Variants in TMEM132B observed in about 807,000 individuals in gnomAD.
TMEM132B encodes transmembrane protein 132B.
TMEM132B carries 18 observed loss-of-function variants against 90.8 expected under a neutral mutation model. The observed-to-expected ratio is 0.20, with a 90% CI of 0.14 to 0.29. The LOEUF (loss-of-function observed/expected upper bound fraction) is 0.29. Ranked by LOEUF, TMEM132B falls within the 10% of genes least tolerant of loss-of-function variation. TMEM132B has a pLI of 1.00. For synonymous variants in TMEM132B, 504 were observed against 523.3 expected (o/e 0.96, Z 0.50); for missense variants, 1,096 against 1,326.8 (o/e 0.83, Z 2.70).
Position 125,460,722 on chromosome 12 carries a change from G to A in TMEM132B, c.1106+45045G>A, listed in dbSNP as rs146201221. ...GACCACTGGGGCCAGTGTCATCAGC[G>A]TGTGTATGTCATTGGCAGCCACTTC... is the stretch of plus-strand genomic sequence containing the variant. On this transcript the variant is annotated intron_variant, in intron 3 of 8. Transcript: ENST00000682704. The surrounding 1 kb of genome is among the most constrained non-coding windows in gnomAD (Gnocchi z 4.4). 1.1e-3 allele frequency among the ~76,000 whole-genome samples: 165 copies of A among 152,266 alleles called. No individual in the cohort carries two copies. The highest frequency in any genetic ancestry group is 3.7e-3 in the African/African-American group (154 of 41,558).
chr12:125,330,375 T>C (rs190369521), intron 1 of TMEM132B, among the ~76,000 whole-genome samples: 17 of 151,750 alleles, frequency 1.1e-4, no homozygotes, highest in African/African-American at 4.1e-4. Flanking sequence ...TGATTTTATT[T>C]ATCTATAGTT....
intron 3 of TMEM132B, among the ~76,000 whole-genome samples, chr12:125,432,366 A>AAAATAT (rs1199430670): frequency 4.2e-4 from 5 of 11,914 alleles, no homozygotes; most frequent in African/African-American, 8.0e-4. Context: ...GAATTCCTTG[A>AAAATAT]ATATATATAT....
chr12:125,416,263 C>T (rs1343934326), intron 3 of TMEM132B, among the ~76,000 whole-genome samples: 1 of 152,028 alleles, frequency 6.6e-6, no homozygotes, highest in East Asian at 1.9e-4. Flanking sequence ...TTGCAGCCGC[C>T]TTCCCTACAC....
At position 125,246,468 on chromosome 12, in the gene TMEM132B, GA is replaced by G. The variant is rs1363855748; in HGVS notation, c.67+59605del. The stretch of plus-strand genomic sequence containing the variant: ...TGTCCCCACTCAGATGCCTTGTTTC[GA>G]AACAGCGTGCCGGTGTTATGATTGT... On this transcript the variant is annotated intron_variant, in intron 1 of 8. Transcript: ENST00000682704. This position sits in a 1 kb window ranked among gnomAD's most constrained non-coding sequence, Gnocchi z 4.2. Among the ~76,000 whole-genome samples, 5 of 152,254 alleles carry G rather than the reference GA, an allele frequency of 3.3e-5. No individual in the cohort carries two copies. The East Asian group carries it at 9.6e-4, about 29-fold the overall frequency.
At position 125,654,492 on chromosome 12, in the gene TMEM132B, A is replaced by G. The variant is rs1227434309; in HGVS notation, c.3034A>G (p.Lys1012Glu). 36 of 1,613,950 alleles carry G rather than the reference A, an allele frequency of 2.2e-5. No homozygotes were observed. Among genetic ancestry groups the G allele is most frequent in the Non-Finnish European group, 3.0e-5 (35 of 1,180,032 alleles). The change falls in exon 9 of 9, where the codon AAA becomes GAA. Residue 1012 changes from lysine to glutamate, a missense_variant. Physicochemically the swap from Lys to Glu is moderately conservative, Grantham distance 56 (BLOSUM62 1). Transcript: ENST00000682704. This position sits in a 1 kb window ranked among gnomAD's most constrained non-coding sequence, Gnocchi z 5.8. ...CAGACCCTCTGACTATGTCTATGAGAAAGAAATTAAAAATGAACCTATGAA... is the reference window on the plus strand; with the variant it reads ...CAGACCCTCTGACTATGTCTATGAGGAAGAAATTAAAAATGAACCTATGAA... Reference protein sequence around the residue: ...LLRPSDYVYEKEIKNEPMNSS... With the variant: ...LLRPSDYVYEEEIKNEPMNSS...
rs1877472570 is a variant in TMEM132B at position 125,349,340 on chromosome 12, G to A, written c.68-112G>A. The A allele has an allele frequency of 8.4e-7, 1 of 1,186,160 alleles. No individual in the cohort carries two copies. The highest frequency in any genetic ancestry group is 1.5e-5 in the African/African-American group (1 of 65,394). The allele number at this position is 1,186,160 out of a possible 1,614,324, so 73.5% of individuals were successfully genotyped here. On this transcript the variant is annotated intron_variant, in intron 1 of 8. Coordinates refer to ENST00000682704, the MANE Select transcript of TMEM132B (RefSeq NM_001366854.1). The surrounding 1 kb of genome is among the most constrained non-coding windows in gnomAD (Gnocchi z 4.1). ...TTTCACTGTGATGAGACCTGGGGGA[G>A]AAACAGTGGCCAGTGGGCGGTTTGT...
intron 2 of TMEM132B, among the ~76,000 whole-genome samples, chr12:125,373,739 T>C (rs540694188): frequency 6.6e-6 from 1 of 152,330 alleles, no homozygotes; most frequent in African/African-American, 2.4e-5. Flanking sequence ...CTTTCTAACC[T>C]GTGTTTTCTG....
chr12:125,554,417 TC>T (rs1216850592), intron 4 of TMEM132B, among the ~76,000 whole-genome samples: 1 of 110,144 alleles, frequency 9.1e-6, no homozygotes, highest in Non-Finnish European at 1.7e-5. Flanking sequence ...AAAGTGAGAC[TC>T]CATTTCATTA....
At chr12:125,313,553 C>T (rs1290249053) in intron 1 of TMEM132B, among the ~76,000 whole-genome samples, 4 of 94,884 alleles carry the variant, frequency 4.2e-5, no homozygotes, top group East Asian at 4.1e-4. Context: ...CCTCCCCTCC[C>T]GTTTCCCCCT....
chr12:125,432,153 G>A (rs1880528106), intron 3 of TMEM132B, among the ~76,000 whole-genome samples: 1 of 151,648 alleles, frequency 6.6e-6, no homozygotes, highest in Non-Finnish European at 1.5e-5. Flanking sequence ...TGCGAATCCT[G>A]TAAGCAAAAG....
At chr12:125,232,258 C>T (rs760127913) in intron 1 of TMEM132B, among the ~76,000 whole-genome samples, 13 of 152,208 alleles carry the variant, frequency 8.5e-5, no homozygotes, top group Non-Finnish European at 1.5e-4. Flanking sequence ...TTATCACCAT[C>T]TCATGGTTCT....
At chr12:125,499,273 C>T (rs889150101) in intron 3 of TMEM132B, among the ~76,000 whole-genome samples, 5 of 152,130 alleles carry the variant, frequency 3.3e-5, no homozygotes, top group African/African-American at 9.7e-5. Context: ...TTTAGTATTT[C>T]GGCCTTTCAG....
chr12:125,635,106 G>T (rs1166606949), intron 5 of TMEM132B, among the ~76,000 whole-genome samples: 3 of 152,168 alleles, frequency 2.0e-5, no homozygotes, highest in Non-Finnish European at 4.4e-5. Context: ...GGACTGCTGG[G>T]ATTGGAGATT....
chr12:125,241,371 G>C (rs1212140525), intron 1 of TMEM132B, among the ~76,000 whole-genome samples: 2 of 152,120 alleles, frequency 1.3e-5, no homozygotes, highest in South Asian at 2.1e-4. Flanking sequence ...GACACACATA[G>C]GTTTGCTGCT....
intron 3 of TMEM132B, among the ~76,000 whole-genome samples, chr12:125,454,591 C>T (rs1029140129): frequency 2.6e-5 from 4 of 152,128 alleles, no homozygotes; most frequent in African/African-American, 9.7e-5. Flanking sequence ...TTGCTTAGCG[C>T]TCAAAAGAGA....
intron 3 of TMEM132B, among the ~76,000 whole-genome samples, chr12:125,481,838 C>G (rs1318168345): frequency 6.6e-6 from 1 of 152,148 alleles, no homozygotes; most frequent in Admixed American, 6.5e-5. Flanking sequence ...CATCGCACTA[C>G]CTGACTTCAA....
intron 3 of TMEM132B, among the ~76,000 whole-genome samples, chr12:125,478,699 C>T (rs11058193): frequency 0.028 from 4,283 of 152,242 alleles, 137 homozygotes; most frequent in Admixed American, 0.097. Flanking sequence ...AGGATATTAT[C>T]GAGGAGAACT....
intron 3 of TMEM132B, among the ~76,000 whole-genome samples, chr12:125,496,365 C>T (rs1882559160): frequency 6.6e-6 from 1 of 152,068 alleles, no homozygotes; most frequent in African/African-American, 2.4e-5. Flanking sequence ...CTCTGGCTTT[C>T]CCTATACATC....
chr12:125,465,116 T>C (rs1183971202), intron 3 of TMEM132B, among the ~76,000 whole-genome samples: 1 of 152,238 alleles, frequency 6.6e-6, no homozygotes, highest in African/African-American at 2.4e-5. Flanking sequence ...CCTCAAATGT[T>C]AATCCCTCAA....
Sources: allele counts gnomAD v4.1 joint callset (sites outside exome capture counted in the v4.1 genomes callset), GRCh38; gene constraint gnomAD v4.1.1; non-coding constraint Gnocchi (gnomAD v3.1); transcripts MANE v1.5; gene names NCBI Gene and HGNC (gene_info 2026-07-23, HGNC 2026-07-21).